RHOU: variants seen among roughly 807,000 people sequenced by gnomAD.
RHOU encodes the protein rho-related GTP-binding protein RhoU.
A neutral mutation model predicts 12.6 loss-of-function variants in RHOU; 8 were observed. The ratio of observed to expected loss-of-function variants is 0.64; its 90% CI spans 0.37 to 1.15. RHOU has a LOEUF of 1.15. RHOU is among the 50% of genes most tolerant of loss of function. The pLI is 0.01. For missense variants in RHOU, 258 were observed against 347.0 expected (o/e 0.74, Z 2.04); for synonymous variants, 161 against 147.4 (o/e 1.09, Z -0.67).
the RHOU span, among the ~76,000 whole-genome samples, chr1:228,654,132 CAG>C: frequency 1.4e-5 from 2 of 147,206 alleles, no homozygotes; most frequent in East Asian, 2.0e-4. Context: ...TTTTTTGAGT[CAG>C]AGTCTTGCTC....
the RHOU span, among the ~76,000 whole-genome samples, chr1:228,691,554 G>A: frequency 6.6e-6 from 1 of 152,040 alleles, no homozygotes; most frequent in African/African-American, 2.4e-5. Flanking sequence ...TGCATTTAAG[G>A]TTCTTCATGT....
chr1:228,675,188 C>G, the RHOU span, among the ~76,000 whole-genome samples: 1 of 152,052 alleles, frequency 6.6e-6, no homozygotes, highest in African/African-American at 2.4e-5. Flanking sequence ...TTGAAAAGAT[C>G]ATTCTTCCTC....
the RHOU span, among the ~76,000 whole-genome samples, chr1:228,669,454 A>T: frequency 2.6e-5 from 4 of 152,216 alleles, no homozygotes; most frequent in African/African-American, 7.2e-5. Context: ...CTTGGAAAAT[A>T]AAAGCTCTCA....
At chr1:228,651,625 T>C in the RHOU span, among the ~76,000 whole-genome samples, 1 of 152,172 alleles carries the variant, frequency 6.6e-6, no homozygotes, top group African/African-American at 2.4e-5. Flanking sequence ...CCAGACCCCC[T>C]GCCCTCAAGG....
upstream of RHOU, among the ~76,000 whole-genome samples, chr1:228,733,205 A>G (rs145222007): frequency 4.2e-4 from 64 of 152,378 alleles, 1 homozygote; most frequent in African/African-American, 1.3e-3. Flanking sequence ...TTGTAAGTGT[A>G]TCTGCTGCAT....
At position 228,738,460 on chromosome 1, in the gene RHOU, T is replaced by C. The variant is rs960966129; in HGVS notation, c.321+729T>C. Among the ~76,000 whole-genome samples the C allele has an allele frequency of 3.9e-5, 6 of 152,188 alleles. No homozygotes were observed. The highest frequency in any genetic ancestry group is 8.8e-5 in the Non-Finnish European group (6 of 68,032). On this transcript the variant is annotated intron_variant, in intron 2 of 2. Coordinates refer to ENST00000366691, the MANE Select transcript of RHOU (RefSeq NM_021205.6). The surrounding 1 kb of genome is among the most constrained non-coding windows in gnomAD (Gnocchi z 4.2). Reference sequence around the variant, plus strand: ...CTTGTGAACACCCAGGGGTACTTGATTTTGGCAAAGTGATAGTTAATGAAC... The same window carrying C: ...CTTGTGAACACCCAGGGGTACTTGACTTTGGCAAAGTGATAGTTAATGAAC...
the RHOU span, among the ~76,000 whole-genome samples, chr1:228,681,521 G>A: frequency 1.3e-5 from 2 of 152,192 alleles, no homozygotes; most frequent in African/African-American, 2.4e-5. Context: ...AGTCGCATTG[G>A]GAACAGAGAC....
At chr1:228,705,142 A>C in the RHOU span, among the ~76,000 whole-genome samples, 1 of 151,848 alleles carries the variant, frequency 6.6e-6, no homozygotes, top group South Asian at 2.1e-4. Context: ...AAAGTATTGA[A>C]ATCTTTTTAG....
the RHOU span, among the ~76,000 whole-genome samples, chr1:228,670,692 T>G: frequency 2.0e-5 from 3 of 152,216 alleles, no homozygotes; most frequent in East Asian, 3.9e-4. Context: ...TCAAATCTCA[T>G]GTCGAGTTGT....
chr1:228,710,613 CT>C, the RHOU span, among the ~76,000 whole-genome samples: 1 of 152,228 alleles, frequency 6.6e-6, no homozygotes, highest in East Asian at 1.9e-4. Context: ...TTCAACAACC[CT>C]TCATGCTAAA....
chr1:228,650,826 A>G, the RHOU span: 1 of 424,242 alleles, frequency 2.4e-6, no homozygotes, highest in Admixed American at 3.1e-5. Context: ...TTCCTCATCA[A>G]GCTATACATC....
chr1:228,702,749 A>G, the RHOU span, among the ~76,000 whole-genome samples: 1 of 152,184 alleles, frequency 6.6e-6, no homozygotes, highest in East Asian at 1.9e-4. Context: ...TTATTTTACC[A>G]ACAATTTAAA....
chr1:228,694,193 G>C, the RHOU span, among the ~76,000 whole-genome samples: 4 of 152,196 alleles, frequency 2.6e-5, no homozygotes, highest in African/African-American at 9.7e-5. Context: ...TTCAGCAATT[G>C]GAGTGGATAC....
the RHOU span, among the ~76,000 whole-genome samples, chr1:228,682,074 C>A: frequency 6.6e-6 from 1 of 152,128 alleles, no homozygotes; most frequent in African/African-American, 2.4e-5. Context: ...TGGTGACTGG[C>A]GCCAGAGTTT....
chr1:228,736,629 A>G (rs1190370165), intron 1 of RHOU, among the ~76,000 whole-genome samples: 1 of 152,114 alleles, frequency 6.6e-6, no homozygotes, highest in East Asian at 1.9e-4. Flanking sequence ...CCCTGCCCAC[A>G]TGGGCTCGGA....
the RHOU span, among the ~76,000 whole-genome samples, chr1:228,688,819 C>A: frequency 6.6e-6 from 1 of 152,224 alleles, no homozygotes; most frequent in Non-Finnish European, 1.5e-5. Context: ...GTAGAATTCT[C>A]TCAGTGTCAC....
Position 228,738,210 on chromosome 1 carries a change from C to A in RHOU, c.321+479C>A, listed in dbSNP as rs1441560005. Among the ~76,000 whole-genome samples the A allele has an allele frequency of 6.6e-6, 1 of 152,204 alleles. No individual in the cohort carries two copies. Among genetic ancestry groups the A allele is most frequent in the Non-Finnish European group, 1.5e-5 (1 of 68,032 alleles). The stretch of plus-strand genomic sequence containing the variant: ...CCTTCCTGAGCTATGGTTTGACTCG[C>A]TAGGACCAGCCCCATCACTTGAAGC... On this transcript the variant is annotated intron_variant, in intron 2 of 2. Coordinates refer to ENST00000366691, the MANE Select transcript of RHOU (RefSeq NM_021205.6). The surrounding 1 kb of genome is among the most constrained non-coding windows in gnomAD (Gnocchi z 4.2).
chr1:228,694,061 A>G, the RHOU span, among the ~76,000 whole-genome samples: 1 of 152,020 alleles, frequency 6.6e-6, no homozygotes, highest in Admixed American at 6.6e-5. Flanking sequence ...TTTTTCCATC[A>G]CTCCATACCC....
the RHOU span, among the ~76,000 whole-genome samples, chr1:228,717,773 C>A: frequency 6.6e-6 from 1 of 152,238 alleles, no homozygotes; most frequent in Non-Finnish European, 1.5e-5. Context: ...ACTTCCTTCT[C>A]AACCTAATCC....
Sources: gnomAD v4.1 joint callset for allele counts (sites outside exome capture counted in the v4.1 genomes callset) on GRCh38, gnomAD v4.1.1 for gene constraint, Gnocchi (gnomAD v3.1) non-coding constraint, MANE v1.5 for transcripts, NCBI Gene and HGNC (gene_info 2026-07-23, HGNC 2026-07-21) for gene names.